The following CADPS variants were observed in gnomAD, a reference collection of about 807,000 sequenced individuals.
CADPS encodes the protein calcium dependent secretion activator.
In CADPS, 57 loss-of-function variants were observed where a neutral mutation model predicts 167.3. The ratio of observed to expected loss-of-function variants is 0.34; its 90% confidence interval spans 0.28 to 0.42. The LOEUF is 0.42. Ranked by LOEUF, CADPS falls within the 20% of genes least tolerant of loss-of-function variation. CADPS has a pLI of 1.00. For missense variants in CADPS, 1,414 were observed against 1,738.1 expected, an observed-to-expected ratio of 0.81 and a Z score of 3.32; for synonymous variants, 676 against 635.3, an observed-to-expected ratio of 1.06 and a Z score of -0.96.
chr3:62,615,061 G>A (rs2062048035), intron 6 of CADPS, among the ~76,000 whole-genome samples: 1 of 152,170 alleles, frequency 6.6e-6, no homozygotes, highest in Admixed American at 6.5e-5. Context: ...CTCAGAGTGA[G>A]GAGAGGCTGG....
At chr3:62,596,320 C>T (rs764267255) in intron 6 of CADPS, among the ~76,000 whole-genome samples, 3 of 151,766 alleles carry the variant, frequency 2.0e-5, no homozygotes, top group Non-Finnish European at 2.9e-5. Context: ...CTCAGCCTCC[C>T]AAGTAGCTGG....
At chr3:62,461,472 C>A (rs539569806) in intron 26 of CADPS, among the ~76,000 whole-genome samples, 1 of 152,108 alleles carries the variant, frequency 6.6e-6, no homozygotes, top group African/African-American at 2.4e-5. Context: ...CTGAGCTCTC[C>A]GGTATATCAT....
intron 1 of CADPS, among the ~76,000 whole-genome samples, chr3:62,873,542 C>G (rs967566835): frequency 6.6e-6 from 1 of 152,024 alleles, no homozygotes; most frequent in Non-Finnish European, 1.5e-5. Flanking sequence ...GTCCCCACCC[C>G]CCGCCACTGC....
chr3:62,688,633 C>A (rs1026470608), intron 3 of CADPS, among the ~76,000 whole-genome samples: 3 of 152,098 alleles, frequency 2.0e-5, no homozygotes, highest in Non-Finnish European at 4.4e-5. Flanking sequence ...TCATTTTATT[C>A]TTGCTCTTGC....
chr3:62,780,888 T>C (rs919924470), intron 1 of CADPS, among the ~76,000 whole-genome samples: 1 of 152,214 alleles, frequency 6.6e-6, no homozygotes, highest in East Asian at 1.9e-4. Flanking sequence ...TTTTTAACTT[T>C]GTGAAAAATA....
At chr3:62,852,377 G>A (rs939792076) in intron 1 of CADPS, among the ~76,000 whole-genome samples, 2 of 152,088 alleles carry the variant, frequency 1.3e-5, no homozygotes, top group Admixed American at 6.6e-5. Context: ...CGCTCACACT[G>A]GGAGCTGTAG....
At chr3:62,523,376 T>C (rs1412452636) in intron 13 of CADPS, among the ~76,000 whole-genome samples, 1 of 152,218 alleles carries the variant, frequency 6.6e-6, no homozygotes, top group Non-Finnish European at 1.5e-5. Context: ...TGAAATTAAG[T>C]GTGAACAGTG....
At chr3:62,582,524 C>A (rs1340377633) in intron 8 of CADPS, among the ~76,000 whole-genome samples, 1 of 152,158 alleles carries the variant, frequency 6.6e-6, no homozygotes, top group South Asian at 2.1e-4. Flanking sequence ...CTCCTTTACA[C>A]AACTGGGCTC....
chr3:62,576,985 C>G (rs1274682004), intron 8 of CADPS, among the ~76,000 whole-genome samples: 2 of 151,888 alleles, frequency 1.3e-5, no homozygotes, highest in African/African-American at 2.4e-5. Flanking sequence ...TCACTGACAT[C>G]TCTGTTATTC....
intron 13 of CADPS, among the ~76,000 whole-genome samples, chr3:62,523,855 T>C (rs1371824063): frequency 6.6e-6 from 1 of 152,250 alleles, no homozygotes; most frequent in Non-Finnish European, 1.5e-5. Flanking sequence ...AAACATGATA[T>C]ATTCTCTCTC....
At chr3:62,643,884 C>T (rs995212991) in intron 6 of CADPS, among the ~76,000 whole-genome samples, 1 of 152,124 alleles carries the variant, frequency 6.6e-6, no homozygotes, top group Non-Finnish European at 1.5e-5. Context: ...ACGATCAGAC[C>T]ATTTGAGGAA....
At chr3:62,498,207 T>G in intron 18 of CADPS, 3 of 456,562 alleles carry the variant, frequency 6.6e-6, no homozygotes, top group Non-Finnish European at 8.8e-6. Context: ...GGGAGGAAAT[T>G]TAAATATGCA....
intron 13 of CADPS, among the ~76,000 whole-genome samples, chr3:62,522,093 A>AGCTC (rs2070753719): frequency 7.0e-6 from 1 of 143,184 alleles, no homozygotes; most frequent in Non-Finnish European, 1.5e-5. Context: ...GCATCCTCAA[A>AGCTC]GCTCTATCTA....
chr3:62,691,145 C>T (rs778238993), intron 3 of CADPS, among the ~76,000 whole-genome samples: 1 of 151,878 alleles, frequency 6.6e-6, no homozygotes, highest in Non-Finnish European at 1.5e-5. Context: ...CTGAAAAGAT[C>T]GGTGGTTGTC....
At chr3:62,494,883 A>T in intron 18 of CADPS, among the ~76,000 whole-genome samples, 1 of 151,716 alleles carries the variant, frequency 6.6e-6, no homozygotes, top group East Asian at 1.9e-4. Flanking sequence ...GGCTGGTCTC[A>T]AACTCCTGGC....
chr3:62,614,840 G>C (rs545471472), intron 6 of CADPS, among the ~76,000 whole-genome samples: 61 of 152,318 alleles, frequency 4.0e-4, no homozygotes, highest in African/African-American at 1.4e-3. Context: ...AACTAGCTAT[G>C]TGATCTTGGA....
intron 3 of CADPS, among the ~76,000 whole-genome samples, chr3:62,667,507 C>T (rs2074681690): frequency 6.6e-6 from 1 of 152,090 alleles, no homozygotes; most frequent in Non-Finnish European, 1.5e-5. Flanking sequence ...AAAGCCTAGA[C>T]TGGTATTTCC....
intron 6 of CADPS, among the ~76,000 whole-genome samples, chr3:62,635,143 A>G (rs2066037461): frequency 1.3e-5 from 2 of 152,144 alleles, no homozygotes; most frequent in Non-Finnish European, 2.9e-5. Flanking sequence ...GGTGAAAAAG[A>G]GAAACATTTT....
intron 13 of CADPS, among the ~76,000 whole-genome samples, 150 bp downstream of exon 13, chr3:62,532,717 TTGTG>T (rs10586016): frequency 0.52 from 77,684 of 148,502 alleles, 20,278 homozygotes; most frequent in Non-Finnish European, 0.58. Flanking sequence ...TTAGTGCCCT[TTGTG>T]TGTGTGTGTG....
Sources: gnomAD v4.1 joint callset for allele counts (sites outside exome capture counted in the v4.1 genomes callset) on GRCh38, gnomAD v4.1.1 for gene constraint, MANE v1.5 for transcripts, NCBI Gene and HGNC (gene_info 2026-07-23, HGNC 2026-07-21) for gene names.